Variants in AKT3 observed in about 807,000 individuals in gnomAD.
AKT3 encodes RAC-gamma serine/threonine-protein kinase.
AKT3 carries 15 observed loss-of-function variants against 65.3 expected under a neutral mutation model. The observed-to-expected ratio is 0.23, with a 90% confidence interval of 0.15 to 0.35. The LOEUF (loss-of-function observed/expected upper bound fraction) is 0.35, where lower values mean the gene tolerates loss of function less well. Among genes scored for constraint, AKT3 ranks in the 10% least tolerant of loss-of-function variants. The pLI is 1.00. For missense variants in AKT3, 243 were observed against 576.5 expected, an observed-to-expected ratio of 0.42 and a Z score of 5.92; for synonymous variants, 206 against 183.8, an observed-to-expected ratio of 1.12 and a Z score of -0.98.
chr1:243,675,951 A>C (rs771705548), intron 3 of AKT3, among the ~76,000 whole-genome samples: 1 of 152,134 alleles, frequency 6.6e-6, no homozygotes, highest in Non-Finnish European at 1.5e-5. Context: ...TAATTACACA[A>C]TATTTGTTAG....
At chr1:243,826,428 A>G (rs1184454074) in intron 2 of AKT3, among the ~76,000 whole-genome samples, 1 of 152,232 alleles carries the variant, frequency 6.6e-6, no homozygotes, top group African/African-American at 2.4e-5. Flanking sequence ...ATTGAAAGCC[A>G]AATATTCACC....
At chr1:243,701,061 A>G (rs1454531155) in intron 2 of AKT3, among the ~76,000 whole-genome samples, 1 of 152,220 alleles carries the variant, frequency 6.6e-6, no homozygotes, top group Non-Finnish European at 1.5e-5. Flanking sequence ...ATTATTCATC[A>G]ACACTCTACT....
chr1:243,609,952 G>GT (rs1677747331), intron 8 of AKT3, among the ~76,000 whole-genome samples: 3 of 152,018 alleles, frequency 2.0e-5, no homozygotes, highest in Admixed American at 1.3e-4. Flanking sequence ...CTATCTATCT[G>GT]TTATGATAGA....
At chr1:243,615,522 A>G (rs1048191913) in intron 6 of AKT3, among the ~76,000 whole-genome samples, 1 of 152,192 alleles carries the variant, frequency 6.6e-6, no homozygotes, top group Admixed American at 6.5e-5. Flanking sequence ...AGGTAATTTA[A>G]TATCTCCATG....
In AKT3 at chr1:243,505,102, G is replaced by T. The variant is rs1669581449; in HGVS notation, c.*147C>A. 1.6e-6 allele frequency: 1 copy of T among 644,086 alleles called. No individual in the cohort carries two copies. Among genetic ancestry groups the T allele is most frequent in the African/African-American group, 1.8e-5 (1 of 54,904 alleles). The allele number at this position is 644,086 out of a possible 1,614,324, so 39.9% of individuals were successfully genotyped here. On this transcript the variant is annotated 3_prime_UTR_variant, in exon 14 of 14. Transcript: ENST00000673466. Reference sequence around the variant, plus strand: ...CGTGTATGTGTGTTTTCATGAGGGTGAAAGGTGGCGAGGGGTGAGGACCCT... The same window carrying T: ...CGTGTATGTGTGTTTTCATGAGGGTTAAAGGTGGCGAGGGGTGAGGACCCT...
At chr1:243,531,812 G>A (rs1256983170) in intron 12 of AKT3, among the ~76,000 whole-genome samples, 1 of 152,122 alleles carries the variant, frequency 6.6e-6, no homozygotes, top group Non-Finnish European at 1.5e-5. Flanking sequence ...GTAGTCGGTA[G>A]TGTATAAGTC....
At chr1:243,709,101 T>A (rs552448984) in intron 2 of AKT3, among the ~76,000 whole-genome samples, 2 of 151,976 alleles carry the variant, frequency 1.3e-5, no homozygotes, top group Non-Finnish European at 1.5e-5. Flanking sequence ...AGTTTTTTTT[T>A]TATATACAAA....
intron 3 of AKT3, among the ~76,000 whole-genome samples, chr1:243,674,066 G>A (rs1683338774): frequency 2.6e-5 from 4 of 152,042 alleles, no homozygotes; most frequent in South Asian, 4.2e-4. Flanking sequence ...GCCTAAACAG[G>A]GCTGGTCTCA....
At chr1:243,607,273 C>G (rs1424191139) in intron 8 of AKT3, among the ~76,000 whole-genome samples, 1 of 152,220 alleles carries the variant, frequency 6.6e-6, no homozygotes, top group Non-Finnish European at 1.5e-5. Context: ...ACACTCAACA[C>G]CAGCCCATGA....
At position 243,706,585 on chromosome 1, in the gene AKT3, C is replaced by A. The variant is rs74151203; in HGVS notation, c.47-10869G>T. Among the ~76,000 whole-genome samples the A allele has an allele frequency of 3.4e-3, 525 of 152,254 alleles. 2 individuals carry two copies. The highest frequency in any genetic ancestry group is 0.012 in the African/African-American group (497 of 41,552). On this transcript the variant is annotated intron_variant, in intron 2 of 13. Transcript: ENST00000673466. ...ACCCTAAAATGGCACTGCATCAAAC[C>A]GAGAGCTCCACTATTCTGAGGATGA...
intron 10 of AKT3, among the ~76,000 whole-genome samples, chr1:243,561,782 T>C (rs981882248): frequency 6.6e-6 from 1 of 152,176 alleles, no homozygotes; most frequent in African/African-American, 2.4e-5. Context: ...TTGCAACAGG[T>C]ACCATCACTT....
intron 2 of AKT3, chr1:243,814,817 C>T (rs1693403870): frequency 6.6e-6 from 1 of 152,122 alleles, no homozygotes; most frequent in African/African-American, 2.4e-5. Context: ...AATTCAAGAC[C>T]AGTGATGCAT....
chr1:243,838,563 T>C (rs1419635778), intron 2 of AKT3, among the ~76,000 whole-genome samples: 1 of 152,066 alleles, frequency 6.6e-6, no homozygotes, highest in African/African-American at 2.4e-5. Context: ...CACTCAAAAA[T>C]GTAAATTGTT....
At chr1:243,645,032 T>C (rs1680700211) in intron 5 of AKT3, among the ~76,000 whole-genome samples, 1 of 152,182 alleles carries the variant, frequency 6.6e-6, no homozygotes, top group African/African-American at 2.4e-5. Context: ...TAATTAACTT[T>C]ATGTTGTGAG....
At chr1:243,562,966 G>A (rs941054986) in intron 10 of AKT3, among the ~76,000 whole-genome samples, 1 of 152,092 alleles carries the variant, frequency 6.6e-6, no homozygotes, top group African/African-American at 2.4e-5. Flanking sequence ...TTAGTAACTG[G>A]AACACCATCT....
intron 12 of AKT3, among the ~76,000 whole-genome samples, chr1:243,536,301 A>G (rs1671924925): frequency 6.6e-6 from 1 of 152,126 alleles, no homozygotes; most frequent in Non-Finnish European, 1.5e-5. Flanking sequence ...TTCTTTGCCT[A>G]GGTCAATCTC....
intron 2 of AKT3, among the ~76,000 whole-genome samples, chr1:243,802,336 C>T (rs1056295488): frequency 6.6e-6 from 1 of 152,128 alleles, no homozygotes; most frequent in Non-Finnish European, 1.5e-5. Context: ...CCATGACAGG[C>T]AGCTGTGACG....
In AKT3 at chr1:243,704,103, A is replaced by G. The variant is rs57902371; in HGVS notation, c.47-8387T>C. On this transcript the variant is annotated intron_variant, in intron 2 of 13. Coordinates refer to ENST00000673466, the MANE Select transcript of AKT3 (RefSeq NM_005465.7). ...CAACCAGCTTTGGATGTGTGTTGAT[A>G]GTCTGTGAAAATTGAGCAATGTCTA... Among the ~76,000 whole-genome samples the G allele has an allele frequency of 3.3e-3, 505 of 152,272 alleles. 6 individuals carry two copies. Among genetic ancestry groups the G allele is most frequent in the African/African-American group, 0.012 (496 of 41,556 alleles).
At chr1:243,628,328 C>A (rs1679339967) in intron 6 of AKT3, among the ~76,000 whole-genome samples, 1 of 151,794 alleles carries the variant, frequency 6.6e-6, no homozygotes, top group South Asian at 2.1e-4. Context: ...GACAGGGTCT[C>A]ACTTTGTGTC....
Sources: allele counts gnomAD v4.1 joint callset (sites outside exome capture counted in the v4.1 genomes callset), GRCh38; gene constraint gnomAD v4.1.1; transcripts MANE v1.5; gene names NCBI Gene and HGNC (gene_info 2026-07-23, HGNC 2026-07-21).